The following SCN1A variants were observed in gnomAD, a reference collection of about 807,000 sequenced individuals.
SCN1A encodes the protein sodium voltage-gated channel alpha subunit 1, also known as sodium channel protein type 1 subunit alpha.
In SCN1A, 13 loss-of-function variants were observed where a neutral mutation model predicts 193.7. The ratio of observed to expected loss-of-function variants is 0.07; its 90% CI spans 0.04 to 0.11. SCN1A has a LOEUF of 0.11. Among genes scored for constraint, SCN1A ranks in the 10% least tolerant of loss-of-function variants. The pLI, the probability that SCN1A is intolerant of heterozygous loss-of-function variation, is 1.00. For synonymous variants in SCN1A, 781 were observed against 843.6 expected (o/e 0.93, Z 1.29); for missense variants, 1,432 against 2,451.1 (o/e 0.58, Z 8.78).
intron 4 of SCN1A, among the ~76,000 whole-genome samples, chr2:166,065,508 C>T (rs1351131723): frequency 6.6e-6 from 1 of 152,128 alleles, no homozygotes; most frequent in African/African-American, 2.4e-5. Flanking sequence ...TGAGTTCAAG[C>T]CAAGCTTTTC....
intron 12 of SCN1A, among the ~76,000 whole-genome samples, chr2:166,046,065 G>A (rs10194956): frequency 0.49 from 74,029 of 151,938 alleles, 18,690 homozygotes; most frequent in East Asian, 0.56. Flanking sequence ...GGGTAACCTC[G>A]ATAAATTAAT....
intron 4 of SCN1A, among the ~76,000 whole-genome samples, chr2:166,067,580 A>G (rs1003623902): frequency 2.6e-5 from 4 of 152,128 alleles, no homozygotes; most frequent in African/African-American, 4.8e-5. Flanking sequence ...GTCTTAGGCA[A>G]GTTATTTAAA....
Position 166,140,178 on chromosome 2 carries a change from G to A in SCN1A, c.-50+8869C>T, listed in dbSNP as rs116676844. On this transcript the variant is annotated intron_variant, in intron 1 of 26. Coordinates refer to the SCN1A transcript ENST00000635750. ...TAAGTGTGATTCTGAAACCAGCAGT[G>A]TATCTCCAAAGTACCTAATCTTACC... Among the ~76,000 whole-genome samples, 836 of 152,092 alleles carry A rather than the reference G, an allele frequency of 5.5e-3. 9 individuals carry two copies. Among genetic ancestry groups the A allele is most frequent in the African/African-American group, 0.019 (807 of 41,476 alleles).
chr2:166,093,899 T>C (rs1559320670), intron 2 of SCN1A, among the ~76,000 whole-genome samples: 2 of 152,232 alleles, frequency 1.3e-5, no homozygotes, highest in Non-Finnish European at 2.9e-5. Context: ...CACAGTTCAA[T>C]GCTCTTGTTT....
chr2:166,103,918 C>G (rs1414382487), intron 2 of SCN1A, among the ~76,000 whole-genome samples: 1 of 152,156 alleles, frequency 6.6e-6, no homozygotes, highest in Non-Finnish European at 1.5e-5. Context: ...CTGTGTATAG[C>G]TAGAGCAGTG....
In SCN1A at chr2:165,994,305, G is replaced by C. The variant is rs1386425283; in HGVS notation, c.4693C>G (p.Gln1565Glu). The C allele has an allele frequency of 6.2e-7, 1 of 1,613,010 alleles. No individual in the cohort carries two copies. Among genetic ancestry groups the C allele is most frequent in the East Asian group, 2.2e-5 (1 of 44,782 alleles). Residue 1565 changes from glutamine to glutamate, a missense_variant, in exon 28 of 29, where the codon CAG becomes GAG. This residue lies in a region of SCN1A where 85 missense variants were observed against 119.1 expected (regional missense o/e 0.71). Coordinates refer to ENST00000674923, the MANE Select transcript of SCN1A (RefSeq NM_001165963.4). ...AAAATGGTAGTCACATATTCACTCTGGTCATCTGTTTCCACCATCATTGTG... is the reference window on the plus strand; with the variant it reads ...AAAATGGTAGTCACATATTCACTCTCGTCATCTGTTTCCACCATCATTGTG... ...MVTMMVETDD[Q>E]SEYVTTILSR...
chr2:166,078,077 G>A (rs978968303), intron 2 of SCN1A, among the ~76,000 whole-genome samples: 3 of 151,764 alleles, frequency 2.0e-5, no homozygotes, highest in African/African-American at 7.2e-5. Context: ...GCATGACACT[G>A]TAATAGTGGA....
At chr2:166,016,258 G>C (rs1475186775) in intron 19 of SCN1A, 1 of 154,766 alleles carries the variant, frequency 6.5e-6, no homozygotes, top group East Asian at 1.9e-4. Context: ...GTGGTCATTT[G>C]GAGAGAAATT....
intron 19 of SCN1A, among the ~76,000 whole-genome samples, chr2:166,021,401 A>G (rs1694043511): frequency 6.6e-6 from 1 of 152,206 alleles, no homozygotes; most frequent in Admixed American, 6.5e-5. Flanking sequence ...TAAGTTCACA[A>G]GTGACCGAAC....
At chr2:166,001,547 T>C (rs1690845926) in intron 24 of SCN1A, among the ~76,000 whole-genome samples, 1 of 151,664 alleles carries the variant, frequency 6.6e-6, no homozygotes, top group Admixed American at 6.6e-5. Context: ...AAAGACACTG[T>C]AGAACCACAA....
intron 22 of SCN1A, among the ~76,000 whole-genome samples, chr2:166,010,676 C>G (rs1393956572): frequency 6.6e-6 from 1 of 151,138 alleles, no homozygotes; most frequent in East Asian, 1.9e-4. Flanking sequence ...GAGAATTCCG[C>G]ATATACTGCA....
At chr2:166,095,622 G>A (rs1286848642) in intron 2 of SCN1A, among the ~76,000 whole-genome samples, 1 of 152,124 alleles carries the variant, frequency 6.6e-6, no homozygotes, top group Non-Finnish European at 1.5e-5. Flanking sequence ...CCAAATTTGT[G>A]ACTAATTAGC....
At chr2:166,115,500 G>A (rs1689753506) in intron 2 of SCN1A, among the ~76,000 whole-genome samples, 1 of 152,118 alleles carries the variant, frequency 6.6e-6, no homozygotes, top group South Asian at 2.1e-4. Flanking sequence ...GAAAAGCAGT[G>A]CTTAATCATA....
chr2:166,076,580 C>T (rs932351584), intron 3 of SCN1A, among the ~76,000 whole-genome samples: 35 of 151,884 alleles, frequency 2.3e-4, no homozygotes, highest in African/African-American at 8.2e-4. Context: ...CCAAAAGAGC[C>T]AACACAATGT....
intron 2 of SCN1A, among the ~76,000 whole-genome samples, chr2:166,115,707 T>A (rs891984330): frequency 4.6e-5 from 7 of 152,360 alleles, no homozygotes; most frequent in African/African-American, 1.7e-4. Context: ...AAAATGTTTT[T>A]GTTTTGTTTC....
intron 2 of SCN1A, among the ~76,000 whole-genome samples, chr2:166,107,463 TA>T (rs750375587): frequency 8.6e-5 from 13 of 151,604 alleles, no homozygotes; most frequent in South Asian, 2.1e-4. Context: ...TCAACAGTTA[TA>T]AAAAAAAATC....
intron 10 of SCN1A, 39 bp from the exon 11 acceptor site, chr2:166,047,807 G>T (rs1185384669): frequency 1.2e-6 from 2 of 1,612,362 alleles, no homozygotes; most frequent in Admixed American, 3.3e-5. Context: ...AAGTCGTTCT[G>T]CTGCCTTTTT....
chr2:166,047,097 G>T, intron 11 of SCN1A, 121 bp from the exon 12 acceptor site: 1 of 1,110,142 alleles, frequency 9.0e-7, no homozygotes, highest in Non-Finnish European at 1.3e-6. Flanking sequence ...GTTGGTCATA[G>T]CACCCTGTAC....
chr2:166,123,339 G>T (rs1038294318), intron 2 of SCN1A, among the ~76,000 whole-genome samples: 2 of 150,512 alleles, frequency 1.3e-5, no homozygotes, highest in African/African-American at 4.9e-5. Flanking sequence ...TTCATGCTTA[G>T]TGTCTCTTTC....
Sources: gnomAD v4.1 joint callset for allele counts (sites outside exome capture counted in the v4.1 genomes callset) on GRCh38, gnomAD v4.1.1 for gene constraint, gnomAD v4.1.1 regional missense constraint, MANE v1.5 for transcripts, NCBI Gene and HGNC (gene_info 2026-07-23, HGNC 2026-07-21) for gene names.